Variants in VSX2 observed in about 807,000 individuals in gnomAD.
The protein encoded by VSX2 is ceh-10 homeo domain containing homolog.
A neutral mutation model predicts 32.1 loss-of-function variants in VSX2; 28 were observed. The observed-to-expected ratio is 0.87, with a 90% CI of 0.65 to 1.20. The LOEUF (loss-of-function observed/expected upper bound fraction) is 1.20. Ranked by LOEUF, VSX2 falls within the 50% of genes most tolerant of loss-of-function variation. The pLI, the probability that VSX2 is intolerant of heterozygous loss-of-function variation, is 0.00. For synonymous variants in VSX2, 243 were observed against 214.1 expected, an observed-to-expected ratio of 1.14 and a Z score of -1.18; for missense variants, 506 against 488.7, an observed-to-expected ratio of 1.04 and a Z score of -0.33.
chr14:74,248,215 A>C (rs1460813793), intron 3 of VSX2, among the ~76,000 whole-genome samples: 1 of 151,732 alleles, frequency 6.6e-6, no homozygotes, highest in Non-Finnish European at 1.5e-5. Flanking sequence ...GGAAGTTATT[A>C]CTGGCTCCAA....
chr14:74,262,463 C>CT lies in VSX2; in HGVS notation c.*1549dup, dbSNP rs10592020. The CT allele has an allele frequency of 6.6e-6, 1 of 152,168 alleles. No homozygotes were observed. The highest frequency in any genetic ancestry group is 2.1e-4 in the South Asian group (1 of 4,830). 9.4% of individuals were successfully genotyped at this position (152,168 alleles called of 1,614,324 possible). ...AATGGCCTGAGACAGTGCGTTGCAA[C>CT]TTTTTAATTCCATATCAAAAGTTGA... On this transcript the variant is annotated 3_prime_UTR_variant, in exon 5 of 5. Coordinates refer to ENST00000261980, the MANE Select transcript of VSX2 (RefSeq NM_182894.3).
intron 3 of VSX2, among the ~76,000 whole-genome samples, chr14:74,256,527 G>A (rs1418649360): frequency 2.0e-5 from 3 of 152,112 alleles, no homozygotes; most frequent in African/African-American, 4.8e-5. Flanking sequence ...ACTGTCACCC[G>A]ACCAGGAAGT....
intron 3 of VSX2, among the ~76,000 whole-genome samples, chr14:74,248,428 G>A (rs1045827016): frequency 7.9e-5 from 12 of 151,656 alleles, no homozygotes; most frequent in Admixed American, 2.6e-4. Context: ...GGCTCATGCC[G>A]GTAATCTCAG....
At chr14:74,254,389 C>G (rs745700674) in intron 3 of VSX2, among the ~76,000 whole-genome samples, 1 of 151,296 alleles carries the variant, frequency 6.6e-6, no homozygotes, top group African/African-American at 2.4e-5. Flanking sequence ...CCAGCCTGGG[C>G]GACAGACAGA....
intron 3 of VSX2, among the ~76,000 whole-genome samples, chr14:74,253,162 T>G (rs1198745629): frequency 2.6e-5 from 4 of 152,128 alleles, no homozygotes; most frequent in African/African-American, 9.7e-5. Context: ...GGTGTCACTT[T>G]GGGCCCCTTT....
chr14:74,252,054 G>T (rs979109653), intron 3 of VSX2, among the ~76,000 whole-genome samples: 1 of 152,246 alleles, frequency 6.6e-6, no homozygotes, highest in African/African-American at 2.4e-5. Context: ...ACTGCAGAGG[G>T]TCTCCTGGGA....
At position 74,245,203 on chromosome 14, in the gene VSX2, A is replaced by C; in HGVS notation, c.494A>C (p.Lys165Thr). The C allele has an allele frequency of 4.3e-6, 7 of 1,613,730 alleles. No individual in the cohort carries two copies. The highest frequency in any genetic ancestry group is 5.9e-6 in the Non-Finnish European group (7 of 1,179,926). Reference sequence around the variant, plus strand: ...TCCTACCAGCTAGAGGAGCTGGAGAAGGCATTCAACGAAGCCCACTACCCA... The same window carrying C: ...TCCTACCAGCTAGAGGAGCTGGAGACGGCATTCAACGAAGCCCACTACCCA... ...FTSYQLEELE[K>T]AFNEAHYPDV... Residue 165 changes from lysine (K) to threonine (T), a missense_variant, in exon 3 of 5, where the codon AAG becomes ACG. Transcript: ENST00000261980.
intron 3 of VSX2, among the ~76,000 whole-genome samples, chr14:74,250,651 G>A (rs2079222318): frequency 6.6e-6 from 1 of 152,024 alleles, no homozygotes; most frequent in Non-Finnish European, 1.5e-5. Flanking sequence ...CTTGAGTAGG[G>A]AAGGGTTTGT....
chr14:74,241,326 C>T, intron 2 of VSX2, 60 bp downstream of exon 2: 1 of 1,565,034 alleles, frequency 6.4e-7, no homozygotes, highest in South Asian at 1.1e-5. Flanking sequence ...GTCCCCCGTT[C>T]CGGGATCGGG....
intron 3 of VSX2, among the ~76,000 whole-genome samples, chr14:74,255,190 G>A (rs1038341330): frequency 5.9e-5 from 9 of 152,172 alleles, no homozygotes; most frequent in Admixed American, 6.5e-5. Context: ...TCCAGGTCAG[G>A]ACTGGCTGGC....
intron 3 of VSX2, among the ~76,000 whole-genome samples, chr14:74,246,423 TC>T (rs1200988359): frequency 1.8e-4 from 28 of 152,320 alleles, no homozygotes; most frequent in African/African-American, 6.5e-4. Flanking sequence ...TGTGAGGCCT[TC>T]CTCTCCCCTG....
chr14:74,260,267 C>G (rs915291019), intron 4 of VSX2, among the ~76,000 whole-genome samples: 1 of 152,210 alleles, frequency 6.6e-6, no homozygotes, highest in African/African-American at 2.4e-5. Context: ...TATCTGAGAA[C>G]AGCACCAGCT....
Position 74,255,587 on chromosome 14 carries a change from C to A in VSX2, c.580-4015C>A, listed in dbSNP as rs113836365. Among the ~76,000 whole-genome samples the A allele has an allele frequency of 8.3e-3, 1,270 of 152,308 alleles. 12 individuals carry two copies. The highest frequency in any genetic ancestry group is 0.013 in the Non-Finnish European group (904 of 68,016). On this transcript the variant is annotated intron_variant, in intron 3 of 4. Transcript: ENST00000261980. ...AATTAGGAGACCCAGGAAAATAGTT[C>A]TGTTTATAGGCCCCAGAGATGATCA...
At chr14:74,257,659 T>C (rs2079273999) in intron 3 of VSX2, among the ~76,000 whole-genome samples, 1 of 150,554 alleles carries the variant, frequency 6.6e-6, no homozygotes, top group South Asian at 2.1e-4. Context: ...CGCCGGGCGC[T>C]CACTTCGCCA....
intron 3 of VSX2, among the ~76,000 whole-genome samples, chr14:74,246,696 C>A (rs1004930498): frequency 2.0e-5 from 3 of 152,184 alleles, no homozygotes; most frequent in Non-Finnish European, 4.4e-5. Flanking sequence ...TTGGCCATTC[C>A]AGGTGGCTGC....
chr14:74,257,020 G>C (rs188494848), intron 3 of VSX2, among the ~76,000 whole-genome samples: 1 of 152,176 alleles, frequency 6.6e-6, no homozygotes, highest in East Asian at 1.9e-4. Flanking sequence ...TTTTTCCTCT[G>C]TGGGAGAAAG....
intron 3 of VSX2, among the ~76,000 whole-genome samples, chr14:74,251,101 G>A (rs1289726156): frequency 6.6e-6 from 1 of 151,902 alleles, no homozygotes; most frequent in Non-Finnish European, 1.5e-5. Flanking sequence ...GATCACTTGA[G>A]GTCAGGAGTT....
intron 3 of VSX2, among the ~76,000 whole-genome samples, chr14:74,257,859 A>G (rs1210010089): frequency 6.6e-6 from 1 of 152,228 alleles, no homozygotes; most frequent in Non-Finnish European, 1.5e-5. Context: ...CCGTATAAAA[A>G]GATAAATTAC....
chr14:74,248,557 G>A (rs1490709335), intron 3 of VSX2, among the ~76,000 whole-genome samples: 1 of 151,990 alleles, frequency 6.6e-6, no homozygotes, highest in Non-Finnish European at 1.5e-5. Context: ...CGAGCATGGT[G>A]ATGTAAGCCT....
Sources: gnomAD v4.1 joint callset for allele counts (sites outside exome capture counted in the v4.1 genomes callset) on GRCh38, gnomAD v4.1.1 for gene constraint, MANE v1.5 for transcripts, NCBI Gene and HGNC (gene_info 2026-07-23, HGNC 2026-07-21) for gene names.